NDST4: variants seen among roughly 807,000 people sequenced by gnomAD.
NDST4 encodes N-heparan sulfate sulfotransferase 4.
A neutral mutation model predicts 100.8 loss-of-function variants in NDST4; 63 were observed. The ratio of observed to expected loss-of-function variants is 0.62; its 90% CI spans 0.51 to 0.77. The LOEUF (loss-of-function observed/expected upper bound fraction) is 0.77, where lower values mean the gene tolerates loss of function less well. NDST4 is among the 30% of genes least tolerant of loss of function. NDST4 has a pLI of 0.00. For missense variants in NDST4, 943 were observed against 1,018.4 expected (o/e 0.93, Z 1.01); for synonymous variants, 377 against 361.8 (o/e 1.04, Z -0.48).
intron 10 of NDST4, among the ~76,000 whole-genome samples, chr4:114,841,526 G>C (rs1723425200): frequency 6.6e-6 from 1 of 152,054 alleles, no homozygotes; most frequent in Non-Finnish European, 1.5e-5. Flanking sequence ...GCGCAGAGAG[G>C]CACACACATC....
chr4:115,086,414 A>G (rs1373115662), intron 1 of NDST4, among the ~76,000 whole-genome samples: 1 of 152,086 alleles, frequency 6.6e-6, no homozygotes, highest in Non-Finnish European at 1.5e-5. Flanking sequence ...ACCCATAAAT[A>G]ACCAGTTGAT....
At chr4:114,908,443 G>A (rs1229316312) in intron 6 of NDST4, among the ~76,000 whole-genome samples, 1 of 151,880 alleles carries the variant, frequency 6.6e-6, no homozygotes, top group Non-Finnish European at 1.5e-5. Flanking sequence ...TTTAATTCTG[G>A]TGAGTTTCTC....
chr4:115,112,700 A>G (rs1729979676), intron 1 of NDST4, among the ~76,000 whole-genome samples: 2 of 151,940 alleles, frequency 1.3e-5, no homozygotes, highest in South Asian at 4.1e-4. Context: ...AGAATATTGA[A>G]AAGAATGAGT....
At chr4:114,857,859 A>C (rs1224558686) in intron 7 of NDST4, among the ~76,000 whole-genome samples, 2 of 152,058 alleles carry the variant, frequency 1.3e-5, no homozygotes, top group African/African-American at 2.4e-5. Flanking sequence ...TCTAAGAAAG[A>C]GGCATGTGGA....
chr4:114,923,595 A>T (rs2126220015), intron 6 of NDST4, among the ~76,000 whole-genome samples: 1 of 152,278 alleles, frequency 6.6e-6, no homozygotes, highest in African/African-American at 2.4e-5. Context: ...CTCATTAGTC[A>T]TATAAACACT....
chr4:114,982,819 TGA>T (rs1201369439), intron 2 of NDST4, among the ~76,000 whole-genome samples: 1 of 152,136 alleles, frequency 6.6e-6, no homozygotes, highest in Non-Finnish European at 1.5e-5. Flanking sequence ...CCCAGAGGCC[TGA>T]GAGAGAAAAA....
chr4:115,039,206 A>C (rs888303385), intron 2 of NDST4, among the ~76,000 whole-genome samples: 2 of 152,182 alleles, frequency 1.3e-5, no homozygotes, highest in Non-Finnish European at 2.9e-5. Context: ...GAGGAAGCAA[A>C]GGAAAGAAAG....
chr4:115,066,975 T>C (rs1326949604), intron 2 of NDST4, among the ~76,000 whole-genome samples: 1 of 152,348 alleles, frequency 6.6e-6, no homozygotes, highest in Non-Finnish European at 1.5e-5. Context: ...CTGCTGTCTA[T>C]GCCATTTTTC....
chr4:114,956,017 G>T (rs1351202467), intron 4 of NDST4: 1 of 152,152 alleles, frequency 6.6e-6, no homozygotes, highest in Non-Finnish European at 1.5e-5. Flanking sequence ...TTGAGACCTG[G>T]AGTTTTCCTC....
At chr4:114,898,802 T>C (rs147681844) in intron 6 of NDST4, among the ~76,000 whole-genome samples, 3 of 152,226 alleles carry the variant, frequency 2.0e-5, no homozygotes, top group African/African-American at 2.4e-5. Flanking sequence ...ATGTAAATAG[T>C]ATTTTTTTTC....
At chr4:115,022,374 T>C (rs114435568) in intron 2 of NDST4, among the ~76,000 whole-genome samples, 27,675 of 62,132 alleles carry the variant, frequency 0.45, 5,451 homozygotes, top group South Asian at 0.59. Context: ...ATGTGTTCCA[T>C]GTACATATGT....
intron 6 of NDST4, among the ~76,000 whole-genome samples, chr4:114,927,539 C>T (rs1217885162): frequency 6.6e-6 from 1 of 151,570 alleles, no homozygotes; most frequent in Non-Finnish European, 1.5e-5. Flanking sequence ...TTTTAAATTT[C>T]ACCCTGTTAG....
chr4:114,952,675 T>C (rs943640226), intron 4 of NDST4, among the ~76,000 whole-genome samples: 14 of 152,146 alleles, frequency 9.2e-5, no homozygotes, highest in Non-Finnish European at 1.5e-5. Context: ...GACGAGAACC[T>C]TGGAGACTGC....
chr4:115,013,556 A>G lies in NDST4; in HGVS notation c.979-36282T>C, dbSNP rs1343533515. On this transcript the variant is annotated intron_variant, in intron 2 of 13. Coordinates refer to ENST00000264363, the MANE Select transcript of NDST4 (RefSeq NM_022569.3). ...TATAGAGACTGACTTTGAACTGTCA[A>G]TAATTCCAGGAGACACCAAATGTTT... Among the ~76,000 whole-genome samples the G allele has an allele frequency of 4.0e-5, 6 of 151,774 alleles. No homozygotes were observed. The East Asian group carries it at 7.8e-4, about 20-fold the overall frequency.
rs567800697 is a variant in NDST4 at position 115,110,838 on chromosome 4, G to GA, written c.-247+2605dup. Among the ~76,000 whole-genome samples the GA allele has an allele frequency of 5.9e-5, 9 of 151,738 alleles. 1 individual carries two copies. The East Asian group carries it at 1.4e-3, about 23-fold the overall frequency. ...TAAATATCCCACAGTTTGTACTGGA[G>GA]AAAAAAAATAACACTTCAGGTTAGA... On this transcript the variant is annotated intron_variant, in intron 1 of 13. Transcript: ENST00000264363.
At chr4:115,106,565 G>T (rs189726483) in intron 1 of NDST4, among the ~76,000 whole-genome samples, 5 of 151,990 alleles carry the variant, frequency 3.3e-5, no homozygotes, top group African/African-American at 7.2e-5. Context: ...TACCTAATAC[G>T]ATGTGAATGA....
intron 1 of NDST4, among the ~76,000 whole-genome samples, chr4:115,093,883 T>A (rs1181972216): frequency 6.6e-6 from 1 of 151,488 alleles, no homozygotes; most frequent in Non-Finnish European, 1.5e-5. Context: ...GAAAAAGCAA[T>A]AAAACAATAA....
At chr4:115,088,593 A>G (rs1434065957) in intron 1 of NDST4, among the ~76,000 whole-genome samples, 1 of 151,884 alleles carries the variant, frequency 6.6e-6, no homozygotes, top group Non-Finnish European at 1.5e-5. Flanking sequence ...TTTGTTAAGA[A>G]GTTTAGCTCA....
chr4:114,996,158 G>A lies in NDST4; in HGVS notation c.979-18884C>T, dbSNP rs62315292. 2.0e-3 allele frequency among the ~76,000 whole-genome samples: 297 copies of A among 152,138 alleles called. 1 individual carries two copies. The highest frequency in any genetic ancestry group is 3.6e-3 in the Non-Finnish European group (247 of 67,978). The stretch of plus-strand genomic sequence containing the variant: ...CATAATCTCCACATGTCAAGGGCAG[G>A]ACCAGGTAGAGGTAATCAGATCATG... On this transcript the variant is annotated intron_variant, in intron 2 of 13. Coordinates refer to ENST00000264363, the MANE Select transcript of NDST4 (RefSeq NM_022569.3).
Sources: gnomAD v4.1 joint callset for allele counts (sites outside exome capture counted in the v4.1 genomes callset) on GRCh38, gnomAD v4.1.1 for gene constraint, MANE v1.5 for transcripts, NCBI Gene and HGNC (gene_info 2026-07-23, HGNC 2026-07-21) for gene names.